INSL6: variants seen among roughly 807,000 people sequenced by gnomAD.
The protein encoded by INSL6 is insulin like 6, also known as insulin-like peptide INSL6.
In INSL6, 16 loss-of-function variants were observed where a neutral mutation model predicts 9.4. The observed-to-expected ratio is 1.70, with a 90% CI of 1.15 to 2.59. The LOEUF is 2.59. Ranked by LOEUF, INSL6 falls within the 30% of genes most tolerant of loss-of-function variation. The pLI, the probability that INSL6 is intolerant of heterozygous loss-of-function variation, is 0.00. For synonymous variants in INSL6, 154 were observed against 96.9 expected (o/e 1.59, Z -3.46); for missense variants, 391 against 257.3 (o/e 1.52, Z -3.56).
At chr9:5,113,191 CTTTTTTTTTTT>C in the INSL6 span, among the ~76,000 whole-genome samples, 4 of 57,160 alleles carry the variant, frequency 7.0e-5, no homozygotes, top group African/African-American at 3.3e-4. Context: ...CTGGCAGGAG[CTTTTTTTTTTT>C]TTTTTTTTTT....
chr9:5,093,896 T>C, the INSL6 span, among the ~76,000 whole-genome samples: 1 of 152,148 alleles, frequency 6.6e-6, no homozygotes, highest in Non-Finnish European at 1.5e-5. Flanking sequence ...GGTTGGTTTC[T>C]ATCTGTTTAA....
the INSL6 span, among the ~76,000 whole-genome samples, chr9:5,117,673 TAATA>T: frequency 0.26 from 38,962 of 151,470 alleles, 5,100 homozygotes; most frequent in African/African-American, 0.32. Flanking sequence ...TTAAATAAAT[TAATA>T]AATATTTTTA....
chr9:5,004,914 TTG>T, the INSL6 span, among the ~76,000 whole-genome samples: 2 of 146,774 alleles, frequency 1.4e-5, no homozygotes, highest in East Asian at 1.9e-4. Context: ...CATTTACATA[TTG>T]TCTTTTTTTT....
At chr9:5,033,752 G>T in the INSL6 span, among the ~76,000 whole-genome samples, 10 of 152,298 alleles carry the variant, frequency 6.6e-5, no homozygotes, top group East Asian at 1.9e-3. Flanking sequence ...ACTAAACATA[G>T]AAAGGAACAA....
At chr9:5,167,505 C>T (rs1170310003) in intron 1 of INSL6, among the ~76,000 whole-genome samples, 3 of 152,230 alleles carry the variant, frequency 2.0e-5, no homozygotes, top group East Asian at 3.8e-4. Flanking sequence ...CAGTTTGTGG[C>T]CAGACTGCTT....
chr9:5,184,531 C>T (rs1382491896), intron 1 of INSL6, among the ~76,000 whole-genome samples: 1 of 152,196 alleles, frequency 6.6e-6, no homozygotes, highest in Admixed American at 6.5e-5. Flanking sequence ...ATGTGCTAGG[C>T]CATCTGCTAA....
chr9:5,106,190 C>T, the INSL6 span, among the ~76,000 whole-genome samples: 1 of 151,912 alleles, frequency 6.6e-6, no homozygotes, highest in Non-Finnish European at 1.5e-5. Context: ...CCAAAATCTA[C>T]AAAGAAATTT....
the INSL6 span, chr9:5,086,167 C>T: frequency 1.0e-4 from 40 of 385,420 alleles, no homozygotes; most frequent in South Asian, 1.9e-3. Context: ...GCGGTCTCCA[C>T]GCCGCCGGTC....
chr9:5,011,175 C>T, the INSL6 span, among the ~76,000 whole-genome samples: 1 of 151,990 alleles, frequency 6.6e-6, no homozygotes, highest in Non-Finnish European at 1.5e-5. Flanking sequence ...AACATTTAGC[C>T]AGTATTTTTT....
the INSL6 span, among the ~76,000 whole-genome samples, chr9:5,005,027 C>T: frequency 6.7e-6 from 1 of 148,450 alleles, no homozygotes; most frequent in African/African-American, 2.5e-5. Context: ...AGTGATCCTC[C>T]TCCTTCAGCC....
intron 2 of INSL6, among the ~76,000 whole-genome samples, chr9:5,142,571 G>T (rs993988471): frequency 6.6e-6 from 1 of 152,204 alleles, no homozygotes; most frequent in African/African-American, 2.4e-5. Flanking sequence ...AGGCTTTGCT[G>T]AAGCTGTTTA....
At chr9:5,150,946 G>A (rs1229551698) in intron 2 of INSL6, among the ~76,000 whole-genome samples, 1 of 152,036 alleles carries the variant, frequency 6.6e-6, no homozygotes, top group African/African-American at 2.4e-5. Context: ...GGTGGAACTG[G>A]AGGCTATTAT....
chr9:5,114,541 A>G, the INSL6 span: 5 of 476,178 alleles, frequency 1.1e-5, no homozygotes, highest in Non-Finnish European at 2.1e-5. Flanking sequence ...AACCAGGACA[A>G]GCGCACCCTC....
At chr9:5,085,989 G>C in the INSL6 span, 4 of 940,842 alleles carry the variant, frequency 4.3e-6, no homozygotes, top group Non-Finnish European at 7.0e-6. Context: ...GCTGTACGGG[G>C]TTGTGTGATG....
chr9:5,122,129 G>A (rs12350156), downstream of INSL6, among the ~76,000 whole-genome samples: 298 of 152,188 alleles, frequency 2.0e-3, 1 homozygote, highest in African/African-American at 6.8e-3. Context: ...GTGGAGATTA[G>A]GAAACTTAAA....
the INSL6 span, among the ~76,000 whole-genome samples, chr9:5,052,562 G>T: frequency 1.3e-5 from 2 of 151,968 alleles, no homozygotes; most frequent in African/African-American, 4.8e-5. Context: ...TATTCACAGG[G>T]TTGTATAAAG....
At chr9:5,106,721 A>G in the INSL6 span, among the ~76,000 whole-genome samples, 2 of 152,198 alleles carry the variant, frequency 1.3e-5, no homozygotes, top group Non-Finnish European at 2.9e-5. Flanking sequence ...ATGCAGCCAT[A>G]AACAAGGGTG....
the INSL6 span, chr9:5,094,964 A>G: frequency 2.6e-5 from 4 of 152,292 alleles, no homozygotes; most frequent in Middle Eastern, 3.4e-3. Flanking sequence ...TTACATTAGC[A>G]TTCTGCATAT....
chr9:5,094,545 TG>T, the INSL6 span: 2 of 152,196 alleles, frequency 1.3e-5, no homozygotes, highest in Non-Finnish European at 2.9e-5. Context: ...TACTGCTAAG[TG>T]GCTCAACTTA....
Sources: allele counts gnomAD v4.1 joint callset (sites outside exome capture counted in the v4.1 genomes callset), GRCh38; gene constraint gnomAD v4.1.1; transcripts MANE v1.5; gene names NCBI Gene and HGNC (gene_info 2026-07-23, HGNC 2026-07-21).